The following GPC5 variants were observed in gnomAD, a reference collection of about 807,000 sequenced individuals.
GPC5 encodes glypican 5.
A neutral mutation model predicts 53.9 loss-of-function variants in GPC5; 47 were observed. The ratio of observed to expected loss-of-function variants is 0.87; its 90% CI spans 0.69 to 1.11. The LOEUF is 1.11. GPC5 is among the 50% of genes most tolerant of loss of function. GPC5 has a pLI of 0.00. For synonymous variants in GPC5, 286 were observed against 263.3 expected, an observed-to-expected ratio of 1.09 and a Z score of -0.84; for missense variants, 748 against 713.1, an observed-to-expected ratio of 1.05 and a Z score of -0.56.
intron 7 of GPC5, among the ~76,000 whole-genome samples, chr13:92,747,700 C>A (rs1049057992): frequency 5.3e-5 from 8 of 152,160 alleles, no homozygotes; most frequent in African/African-American, 1.4e-4. Context: ...ATGGACAAGA[C>A]CTTCCACTGA....
chr13:92,806,783 T>C (rs1877116285), intron 7 of GPC5, among the ~76,000 whole-genome samples: 1 of 151,864 alleles, frequency 6.6e-6, no homozygotes, highest in Admixed American at 6.6e-5. Context: ...TCTAAAACAA[T>C]TACACCAGTA....
At chr13:92,674,420 C>A (rs1481283721) in intron 7 of GPC5, among the ~76,000 whole-genome samples, 1 of 151,958 alleles carries the variant, frequency 6.6e-6, no homozygotes, top group East Asian at 1.9e-4. Flanking sequence ...TAAAAGCAGA[C>A]AAAATTAAGG....
chr13:92,021,659 A>C (rs1452875172), intron 6 of GPC5, among the ~76,000 whole-genome samples: 2 of 152,208 alleles, frequency 1.3e-5, no homozygotes, highest in Non-Finnish European at 2.9e-5. Context: ...TCCTACTTAC[A>C]GCTATTTTCA....
chr13:91,693,199 C>T lies in GPC5; in HGVS notation c.338C>T (p.Thr113Ile), dbSNP rs2035794127. Reference protein sequence around the residue: ...NAAAFQETLETLIKQAENYTS... With the variant: ...NAAAFQETLEILIKQAENYTS... ...GCTTGTGTTACAGAAACCCTTGAAA[C>T]TCTCATCAAACAAGCAGAAAATTAC... The change falls in exon 3 of 8, where the codon ACT (threonine) becomes ATT (isoleucine). Residue 113 changes from threonine (T) to isoleucine (I), a missense_variant. By Grantham distance (89) the Thr-to-Ile change is moderately conservative (BLOSUM62 -1). Transcript: ENST00000377067. 3 of 1,612,272 alleles carry T rather than the reference C, an allele frequency of 1.9e-6. No individual in the cohort carries two copies. The highest frequency in any genetic ancestry group is 2.5e-6 in the Non-Finnish European group (3 of 1,178,890).
rs115002667 is a variant in GPC5, at chr13:91,471,378, A to C, written c.325+22456A>C. Among the ~76,000 whole-genome samples, 1,385 of 152,122 alleles carry C rather than the reference A, an allele frequency of 9.1e-3. 24 individuals are homozygous for C. The highest frequency in any genetic ancestry group is 0.032 in the African/African-American group (1,328 of 41,480). ...AATATAGTCCTTTCATGCATTTAAT[A>C]CATTTAATCCTTACTATGAAACAGA... On this transcript the variant is annotated intron_variant, in intron 2 of 7. Transcript: ENST00000377067.
At chr13:92,286,447 T>G (rs557948703) in intron 7 of GPC5, among the ~76,000 whole-genome samples, 31 of 152,202 alleles carry the variant, frequency 2.0e-4, no homozygotes, top group African/African-American at 7.2e-4. Context: ...TATGTTTATT[T>G]CGGCACTATT....
intron 7 of GPC5, among the ~76,000 whole-genome samples, chr13:92,616,267 T>A (rs1884687876): frequency 6.6e-6 from 1 of 152,198 alleles, no homozygotes; most frequent in Admixed American, 6.5e-5. Flanking sequence ...AATATAAAAA[T>A]TTATGTTTGT....
At chr13:91,958,415 T>A (rs1384969485) in intron 6 of GPC5, among the ~76,000 whole-genome samples, 1 of 151,980 alleles carries the variant, frequency 6.6e-6, no homozygotes, top group Non-Finnish European at 1.5e-5. Flanking sequence ...GGAGGGAGAC[T>A]CCACTACAAT....
At chr13:91,898,777 C>T (rs1414440251) in intron 5 of GPC5, among the ~76,000 whole-genome samples, 6 of 151,978 alleles carry the variant, frequency 3.9e-5, no homozygotes, top group African/African-American at 1.2e-4. Flanking sequence ...GTGCTAGATT[C>T]TGTGACCTGT....
At chr13:91,747,165 C>T (rs914064351) in intron 4 of GPC5, among the ~76,000 whole-genome samples, 1 of 152,180 alleles carries the variant, frequency 6.6e-6, no homozygotes, top group Non-Finnish European at 1.5e-5. Flanking sequence ...TATAATTAAA[C>T]ATGATTAAAG....
intron 7 of GPC5, among the ~76,000 whole-genome samples, chr13:92,671,994 G>A (rs1886769358): frequency 6.6e-6 from 1 of 152,104 alleles, no homozygotes; most frequent in African/African-American, 2.4e-5. Context: ...ATATAGTGCA[G>A]GGCCATTGAC....
At chr13:92,530,902 T>A (rs1257360906) in intron 7 of GPC5, among the ~76,000 whole-genome samples, 1 of 152,194 alleles carries the variant, frequency 6.6e-6, no homozygotes, top group African/African-American at 2.4e-5. Context: ...GGGATCTCCA[T>A]ATAGATTCCC....
At chr13:91,789,849 G>C (rs901181637) in intron 5 of GPC5, among the ~76,000 whole-genome samples, 1 of 152,136 alleles carries the variant, frequency 6.6e-6, no homozygotes, top group Non-Finnish European at 1.5e-5. Flanking sequence ...GCATCTGGTA[G>C]CTTCTGGTAA....
chr13:91,492,424 G>A (rs1160070449), intron 2 of GPC5, among the ~76,000 whole-genome samples: 2 of 152,192 alleles, frequency 1.3e-5, no homozygotes, highest in Admixed American at 6.5e-5. Flanking sequence ...GAAGGCCTGA[G>A]AATCTGGGGT....
chr13:91,462,349 T>A (rs1453707235), intron 2 of GPC5, among the ~76,000 whole-genome samples: 2 of 152,126 alleles, frequency 1.3e-5, no homozygotes, highest in African/African-American at 4.8e-5. Flanking sequence ...TTAGATAGTA[T>A]CATTAACTTC....
At chr13:91,542,618 T>A (rs1168349904) in intron 2 of GPC5, among the ~76,000 whole-genome samples, 1 of 152,202 alleles carries the variant, frequency 6.6e-6, no homozygotes, top group Non-Finnish European at 1.5e-5. Context: ...AGTCCTTGCA[T>A]CCCTCCTTAG....
chr13:92,845,357 G>A (rs1423358149), intron 7 of GPC5, among the ~76,000 whole-genome samples: 1 of 152,050 alleles, frequency 6.6e-6, no homozygotes, highest in Non-Finnish European at 1.5e-5. Context: ...AAGGCCCATG[G>A]TGTTATCTCT....
chr13:91,728,946 C>T (rs1041886160), intron 4 of GPC5, among the ~76,000 whole-genome samples: 31 of 151,982 alleles, frequency 2.0e-4, no homozygotes, highest in South Asian at 8.3e-4. Context: ...TGACATCATA[C>T]GCTTAAAATG....
At chr13:92,731,017 A>G (rs1888787083) in intron 7 of GPC5, among the ~76,000 whole-genome samples, 1 of 151,424 alleles carries the variant, frequency 6.6e-6, no homozygotes, top group Non-Finnish European at 1.5e-5. Context: ...TTGCTTATGT[A>G]TTCTACATAT....
Sources: gnomAD v4.1 joint callset for allele counts (sites outside exome capture counted in the v4.1 genomes callset) on GRCh38, gnomAD v4.1.1 for gene constraint, MANE v1.5 for transcripts, NCBI Gene and HGNC (gene_info 2026-07-23, HGNC 2026-07-21) for gene names.